Variants in CSMD1 observed in about 807,000 individuals in gnomAD.
CSMD1 encodes the protein CUB and Sushi multiple domains 1.
A neutral mutation model predicts 417.5 loss-of-function variants in CSMD1; 213 were observed. That is an observed-to-expected ratio of 0.51 (90% CI 0.46 to 0.57). The LOEUF (loss-of-function observed/expected upper bound fraction) is 0.57. Ranked by LOEUF, CSMD1 falls within the 20% of genes least tolerant of loss-of-function variation. The probability of loss-of-function intolerance (pLI) is 0.00; values close to 1 mark genes in which losing one functional copy is unlikely to be tolerated. For missense variants in CSMD1, 6,923 were observed against 4,529.7 expected (o/e 1.53, Z -15.17); for synonymous variants, 2,862 against 1,736.8 (o/e 1.65, Z -16.11).
intron 2 of CSMD1, among the ~76,000 whole-genome samples, chr8:4,505,592 T>G (rs2130309476): frequency 6.6e-6 from 1 of 152,262 alleles, no homozygotes; most frequent in East Asian, 1.9e-4. Flanking sequence ...CTTAATAACT[T>G]AGCCTTGTGC....
intron 51 of CSMD1, among the ~76,000 whole-genome samples, chr8:3,018,903 T>C (rs539734553): frequency 1.3e-5 from 2 of 152,264 alleles, no homozygotes; most frequent in South Asian, 2.1e-4. Flanking sequence ...TCTAGATTCC[T>C]CCAATTACCC....
intron 11 of CSMD1, among the ~76,000 whole-genome samples, chr8:3,472,010 C>T (rs1405104202): frequency 6.6e-6 from 1 of 152,056 alleles, no homozygotes; most frequent in African/African-American, 2.4e-5. Context: ...CCCCACTTTA[C>T]ACCCCTTTCA....
chr8:4,753,399 T>G (rs866921815), intron 1 of CSMD1, among the ~76,000 whole-genome samples: 1 of 133,976 alleles, frequency 7.5e-6, no homozygotes, highest in African/African-American at 3.0e-5. Flanking sequence ...CTTTCCACCA[T>G]AAACCACACA....
At chr8:4,430,506 T>C (rs755748273) in intron 2 of CSMD1, among the ~76,000 whole-genome samples, 8 of 152,228 alleles carry the variant, frequency 5.3e-5, no homozygotes, top group Non-Finnish European at 1.0e-4. Flanking sequence ...TAAACAAAAA[T>C]TTCCTCCTAA....
intron 3 of CSMD1, among the ~76,000 whole-genome samples, chr8:4,158,344 T>G (rs1796953486): frequency 1.3e-5 from 2 of 151,804 alleles, no homozygotes; most frequent in Non-Finnish European, 2.9e-5. Context: ...AAAAATACAT[T>G]GCAAAGAAAA....
chr8:4,708,078 G>C (rs978141714), intron 1 of CSMD1, among the ~76,000 whole-genome samples: 35 of 152,154 alleles, frequency 2.3e-4, no homozygotes, highest in African/African-American at 8.4e-4. Flanking sequence ...GCAGTAGCTG[G>C]GAGAACAGGC....
At chr8:4,770,991 A>G (rs898074610) in intron 1 of CSMD1, among the ~76,000 whole-genome samples, 1 of 152,220 alleles carries the variant, frequency 6.6e-6, no homozygotes, top group Non-Finnish European at 1.5e-5. Context: ...TGCACAGCAA[A>G]GGAAATAATC....
intron 1 of CSMD1, among the ~76,000 whole-genome samples, chr8:4,884,807 A>G (rs1310385161): frequency 6.6e-6 from 1 of 151,974 alleles, no homozygotes; most frequent in Non-Finnish European, 1.5e-5. Context: ...GAGTTCTCTA[A>G]CTTTATTCCC....
intron 3 of CSMD1, among the ~76,000 whole-genome samples, chr8:4,324,871 G>T (rs957449633): frequency 1.2e-4 from 19 of 152,274 alleles, no homozygotes; most frequent in Admixed American, 8.5e-4. Flanking sequence ...GCACACCTCA[G>T]GGTCCTGGAT....
chr8:3,368,237 CATA>C (rs1370958570), intron 19 of CSMD1, among the ~76,000 whole-genome samples: 1 of 152,194 alleles, frequency 6.6e-6, no homozygotes, highest in African/African-American at 2.4e-5. Context: ...ACACAGTACA[CATA>C]ATAAAATGTA....
intron 3 of CSMD1, among the ~76,000 whole-genome samples, chr8:4,119,424 G>A (rs752638691): frequency 2.0e-4 from 31 of 152,240 alleles, no homozygotes; most frequent in Non-Finnish European, 3.8e-4. Context: ...CAAGTCACAG[G>A]ATGATATTGA....
intron 1 of CSMD1, among the ~76,000 whole-genome samples, chr8:4,769,567 G>A (rs1264375120): frequency 6.6e-6 from 1 of 152,072 alleles, no homozygotes; most frequent in Non-Finnish European, 1.5e-5. Context: ...CAGCAATTTT[G>A]CCAATGTTGC....
chr8:4,940,502 C>G (rs1005606362), intron 1 of CSMD1, among the ~76,000 whole-genome samples: 1 of 152,122 alleles, frequency 6.6e-6, no homozygotes, highest in African/African-American at 2.4e-5. Flanking sequence ...GTTTGCTAAC[C>G]TAGGCACTTG....
At chr8:3,072,326 A>G (rs1044028759) in intron 49 of CSMD1, among the ~76,000 whole-genome samples, 1 of 152,224 alleles carries the variant, frequency 6.6e-6, no homozygotes, top group Non-Finnish European at 1.5e-5. Flanking sequence ...CACAAAACAA[A>G]TGCTCTGAAT....
intron 5 of CSMD1, among the ~76,000 whole-genome samples, chr8:3,885,163 G>C (rs1289496451): frequency 2.6e-5 from 4 of 152,014 alleles, no homozygotes; most frequent in Admixed American, 6.6e-5. Context: ...GACTGTATCA[G>C]CGTTGAGTTT....
intron 17 of CSMD1, among the ~76,000 whole-genome samples, chr8:3,395,213 C>A (rs1811611879): frequency 6.6e-6 from 1 of 152,066 alleles, no homozygotes; most frequent in Non-Finnish European, 1.5e-5. Context: ...AACATCTTTA[C>A]AATAGTACTT....
intron 5 of CSMD1, among the ~76,000 whole-genome samples, chr8:3,881,948 G>T (rs371669278): frequency 6.6e-6 from 1 of 152,140 alleles, no homozygotes; most frequent in Non-Finnish European, 1.5e-5. Context: ...AGAGATTACA[G>T]ATCTGAACTT....
intron 49 of CSMD1, among the ~76,000 whole-genome samples, chr8:3,060,657 C>T (rs181615286): frequency 6.6e-6 from 1 of 152,268 alleles, no homozygotes; most frequent in Non-Finnish European, 1.5e-5. Flanking sequence ...GCTATGGAAA[C>T]AATCAGGTAT....
At chr8:4,762,473 G>C (rs578162467) in intron 1 of CSMD1, among the ~76,000 whole-genome samples, 34 of 152,044 alleles carry the variant, frequency 2.2e-4, no homozygotes, top group Non-Finnish European at 3.5e-4. Flanking sequence ...AACATGCTGT[G>C]ATTTAAATTA....
Sources: allele counts gnomAD v4.1 joint callset (sites outside exome capture counted in the v4.1 genomes callset), GRCh38; gene constraint gnomAD v4.1.1; transcripts MANE v1.5; gene names NCBI Gene and HGNC (gene_info 2026-07-23, HGNC 2026-07-21).